RUNX1T1: variants seen among roughly 807,000 people sequenced by gnomAD.
The protein encoded by RUNX1T1 is protein CBFA2T1.
Under a neutral mutation model 62.8 loss-of-function variants are expected in RUNX1T1, and 4 were observed. The observed-to-expected ratio is 0.06, with a 90% CI of 0.03 to 0.15. The LOEUF is 0.15. Ranked by LOEUF, RUNX1T1 falls within the 10% of genes least tolerant of loss-of-function variation. RUNX1T1 has a pLI of 1.00. For synonymous variants in RUNX1T1, 291 were observed against 286.0 expected (o/e 1.02, Z -0.18); for missense variants, 508 against 754.3 (o/e 0.67, Z 3.82).
intron 10 of RUNX1T1, among the ~76,000 whole-genome samples, chr8:91,968,244 T>C (rs1396645129): frequency 6.6e-6 from 1 of 151,954 alleles, no homozygotes; most frequent in Non-Finnish European, 1.5e-5. Context: ...GGTGGGACCA[T>C]TCAACTTATC....
chr8:91,958,134 T>C (rs1454723688), downstream of RUNX1T1: 2 of 131,694 alleles, frequency 1.5e-5, no homozygotes, highest in Non-Finnish European at 3.0e-5. Flanking sequence ...TTGTTTTTGA[T>C]TTTAAAGAAA....
chr8:91,993,381 G>T (rs908918967), intron 5 of RUNX1T1, among the ~76,000 whole-genome samples: 1 of 152,088 alleles, frequency 6.6e-6, no homozygotes. Flanking sequence ...GAGACAGAAG[G>T]TATAGGCATA....
chr8:91,987,075 A>T (rs1243845881), intron 6 of RUNX1T1, 103 bp from the exon 8 acceptor site: 19 of 773,028 alleles, frequency 2.5e-5, no homozygotes, highest in Non-Finnish European at 4.6e-6. Flanking sequence ...CGATGTAAAA[A>T]TACGTTTGAT....
At chr8:92,008,639 T>C (rs1023866326) in intron 4 of RUNX1T1, among the ~76,000 whole-genome samples, 12 of 152,124 alleles carry the variant, frequency 7.9e-5, no homozygotes, top group East Asian at 5.8e-4. Context: ...AGGCTGGACA[T>C]CTTGTGTGCA....
chr8:92,080,910 G>A (rs1234158100), intron 1 of RUNX1T1, among the ~76,000 whole-genome samples: 1 of 152,192 alleles, frequency 6.6e-6, no homozygotes. Context: ...TATCAACAAC[G>A]CAATATGACC....
intron 5 of RUNX1T1, among the ~76,000 whole-genome samples, chr8:91,999,123 G>T (rs1320126287): frequency 6.6e-6 from 1 of 152,126 alleles, no homozygotes; most frequent in Non-Finnish European, 1.5e-5. Context: ...ATTATTTAGG[G>T]CAGACTTTAA....
At chr8:91,959,447 T>A in exon 11 of RUNX1T1, 1 of 110,038 alleles carries the variant, frequency 9.1e-6, no homozygotes, top group Non-Finnish European at 1.5e-5. Flanking sequence ...TGTGTGTGTG[T>A]GTGTGTGTGT....
intron 5 of RUNX1T1, among the ~76,000 whole-genome samples, chr8:91,998,733 G>A (rs1819187729): frequency 6.6e-6 from 1 of 152,132 alleles, no homozygotes; most frequent in Admixed American, 6.5e-5. Flanking sequence ...AATTTTTGCT[G>A]CTCCTGCTGT....
intron 6 of RUNX1T1, 152 bp downstream of exon 7, chr8:91,991,487 C>T (rs1184699709): frequency 1.2e-6 from 1 of 809,574 alleles, no homozygotes; most frequent in Non-Finnish European, 2.0e-6. Flanking sequence ...TAATACCAAT[C>T]AAGTTTTTTT....
intron 1 of RUNX1T1, among the ~76,000 whole-genome samples, chr8:92,033,203 C>G (rs894613279): frequency 1.3e-5 from 2 of 152,058 alleles, no homozygotes; most frequent in African/African-American, 4.8e-5. Context: ...CCTAACTATT[C>G]AACAATAGGC....
At chr8:91,961,362 C>T (rs911007622) in intron 10 of RUNX1T1, among the ~76,000 whole-genome samples, 4 of 152,232 alleles carry the variant, frequency 2.6e-5, no homozygotes, top group African/African-American at 9.6e-5. Context: ...AACGGAGCTG[C>T]TCTGCTGCTC....
chr8:92,018,375 A>C (rs1165121855), intron 1 of RUNX1T1, among the ~76,000 whole-genome samples: 1 of 152,248 alleles, frequency 6.6e-6, no homozygotes, highest in Non-Finnish European at 1.5e-5. Context: ...CATCATTCAA[A>C]TAAGAGCATT....
chr8:92,096,408 C>G (rs977108469), intron 1 of RUNX1T1, among the ~76,000 whole-genome samples: 1 of 152,172 alleles, frequency 6.6e-6, no homozygotes, highest in Non-Finnish European at 1.5e-5. Flanking sequence ...AATGCTTGTC[C>G]GTCAGTCCAG....
intron 5 of RUNX1T1, among the ~76,000 whole-genome samples, chr8:92,000,184 G>A (rs1016202149): frequency 6.6e-6 from 1 of 151,964 alleles, no homozygotes; most frequent in Non-Finnish European, 1.5e-5. Context: ...GCAGGCATCT[G>A]ATACCTCTCT....
intron 1 of RUNX1T1, among the ~76,000 whole-genome samples, chr8:92,039,511 C>T (rs1257316572): frequency 6.6e-6 from 1 of 152,182 alleles, no homozygotes; most frequent in Non-Finnish European, 1.5e-5. Flanking sequence ...CTTTATACCA[C>T]TTGTTTTCTT....
upstream of RUNX1T1, among the ~76,000 whole-genome samples, chr8:92,065,481 T>A (rs1393430202): frequency 6.6e-6 from 1 of 152,216 alleles, no homozygotes; most frequent in Admixed American, 6.5e-5. Flanking sequence ...TTTAAGGCAA[T>A]TTTTTAGAGA....
intron 1 of RUNX1T1, chr8:92,095,111 A>G (rs1325523197): frequency 2.6e-6 from 4 of 1,535,612 alleles, no homozygotes; most frequent in African/African-American, 2.7e-5. Context: ...ACCCCACACA[A>G]CAAAAGGCAG....
chr8:92,039,148 T>A (rs1395549629), intron 1 of RUNX1T1, among the ~76,000 whole-genome samples: 4 of 151,356 alleles, frequency 2.6e-5, no homozygotes, highest in African/African-American at 9.7e-5. Flanking sequence ...GTTGTTGTTT[T>A]TTTTTTTTTT....
chr8:92,089,742 T>C (rs1836682310), intron 1 of RUNX1T1, among the ~76,000 whole-genome samples: 1 of 151,936 alleles, frequency 6.6e-6, no homozygotes, highest in African/African-American at 2.4e-5. Flanking sequence ...GAAAAAGGAA[T>C]CGTAAAAACA....
Sources: allele counts gnomAD v4.1 joint callset (sites outside exome capture counted in the v4.1 genomes callset), GRCh38; gene constraint gnomAD v4.1.1; transcripts MANE v1.5; gene names NCBI Gene and HGNC (gene_info 2026-07-23, HGNC 2026-07-21).